The following MIB1 variants were observed in gnomAD, a reference collection of about 807,000 sequenced individuals.
MIB1 encodes MIB E3 ubiquitin protein ligase 1.
Under a neutral mutation model 124.5 loss-of-function variants are expected in MIB1, and 278 were observed. The ratio of observed to expected loss-of-function variants is 2.23; its 90% CI spans 2.02 to 2.47. The LOEUF is 2.47. MIB1 is among the 30% of genes most tolerant of loss of function. The pLI is 0.00. For missense variants in MIB1, 957 were observed against 1,254.4 expected, an observed-to-expected ratio of 0.76 and a Z score of 3.58; for synonymous variants, 446 against 429.4, an observed-to-expected ratio of 1.04 and a Z score of -0.48.
At chr18:21,832,322 T>C (rs938662758) in intron 12 of MIB1, among the ~76,000 whole-genome samples, 5 of 152,194 alleles carry the variant, frequency 3.3e-5, no homozygotes, top group Non-Finnish European at 7.4e-5. Flanking sequence ...CTGAAGTGAC[T>C]TTTAGGCATG....
chr18:21,717,806 A>T lies in MIB1; in HGVS notation n.167+12683A>T, dbSNP rs528162370. ...TTCTACACTGCTGGTGGGAATGTAA[A>T]CTAGTACAACCACTATGGAAAACAG... On this transcript the variant is annotated intron_variant and non_coding_transcript_variant, in intron 1 of 20. Coordinates refer to the MIB1 transcript ENST00000578646. Among the ~76,000 whole-genome samples, 5 of 152,346 alleles carry T rather than the reference A, an allele frequency of 3.3e-5. No homozygotes were observed. In the East Asian group the frequency reaches 9.6e-4, roughly 29 times the overall value.
At chr18:21,800,199 C>A (rs1327946963) in intron 9 of MIB1, among the ~76,000 whole-genome samples, 1 of 151,894 alleles carries the variant, frequency 6.6e-6, no homozygotes, top group Non-Finnish European at 1.5e-5. Flanking sequence ...GATTTACACA[C>A]TTACATTTTG....
chr18:21,719,242 G>A (rs967344004), intron 1 of MIB1, among the ~76,000 whole-genome samples: 17 of 151,876 alleles, frequency 1.1e-4, no homozygotes, highest in Non-Finnish European at 2.5e-4. Context: ...AGGCTGAGGT[G>A]GGAGGATTGC....
intron 1 of MIB1, among the ~76,000 whole-genome samples, chr18:21,725,576 T>C (rs1226632017): frequency 6.6e-6 from 1 of 152,226 alleles, no homozygotes; most frequent in Non-Finnish European, 1.5e-5. Context: ...AGGAGATAAG[T>C]TACCTTCCTC....
Position 21,772,557 on chromosome 18 carries a change from T to A in MIB1, c.532-1067T>A, listed in dbSNP as rs1162338619. Among the ~76,000 whole-genome samples, 4 of 152,192 alleles carry A rather than the reference T, an allele frequency of 2.6e-5. No individual in the cohort carries two copies. The South Asian group carries it at 8.3e-4, about 31-fold the overall frequency. ...TGGATTTGGGATGCTCTAAGTACAGTGCAAATATTTCAAAATCTGAAAAAA... is the reference window on the plus strand; with the variant it reads ...TGGATTTGGGATGCTCTAAGTACAGAGCAAATATTTCAAAATCTGAAAAAA... On this transcript the variant is annotated intron_variant, in intron 3 of 20. Transcript: ENST00000261537.
intron 13 of MIB1, among the ~76,000 whole-genome samples, chr18:21,839,428 A>G (rs2042062145): frequency 6.6e-6 from 1 of 152,184 alleles, no homozygotes; most frequent in Admixed American, 6.5e-5. Flanking sequence ...AAAGTCTTGA[A>G]ATCAGGTAGA....
At chr18:21,750,186 A>G (rs1185131998) in intron 1 of MIB1, among the ~76,000 whole-genome samples, 2 of 151,814 alleles carry the variant, frequency 1.3e-5, no homozygotes, top group African/African-American at 2.4e-5. Flanking sequence ...CTGGAGTGCA[A>G]TGGCATGATC....
intron 6 of MIB1, among the ~76,000 whole-genome samples, chr18:21,782,261 T>C (rs2146430477): frequency 6.6e-6 from 1 of 152,222 alleles, no homozygotes; most frequent in South Asian, 2.1e-4. Context: ...GTAGCTGGGA[T>C]TACAGTCATG....
chr18:21,710,390 G>T (rs1354941621), intron 1 of MIB1, among the ~76,000 whole-genome samples: 1 of 152,054 alleles, frequency 6.6e-6, no homozygotes, highest in African/African-American at 2.4e-5. Flanking sequence ...CACTGCACCT[G>T]GCCTTGAAAT....
At position 21,735,398 on chromosome 18, in the gene MIB1, C is replaced by T. The variant is rs185849214; in HGVS notation, n.167+30275C>T. ...CAGACCAGGAAATTCCCTCCGGTGCCTACGCCACCAGGGCCCTGGGTTTCA... is the reference window on the plus strand; with the variant it reads ...CAGACCAGGAAATTCCCTCCGGTGCTTACGCCACCAGGGCCCTGGGTTTCA... On this transcript the variant is annotated intron_variant and non_coding_transcript_variant, in intron 1 of 20. Coordinates refer to the MIB1 transcript ENST00000578646. Among the ~76,000 whole-genome samples the T allele has an allele frequency of 9.5e-4, 145 of 152,234 alleles. 1 individual carries two copies. The highest frequency in any genetic ancestry group is 5.2e-3 in the South Asian group (25 of 4,818).
chr18:21,746,543 T>A (rs1248164540), intron 1 of MIB1, among the ~76,000 whole-genome samples: 1 of 152,236 alleles, frequency 6.6e-6, no homozygotes. Context: ...TTGTAAAGTC[T>A]GTAGTCAAGT....
At chr18:21,813,101 A>G (rs1316782801) in intron 10 of MIB1, among the ~76,000 whole-genome samples, 5 of 151,926 alleles carry the variant, frequency 3.3e-5, no homozygotes, top group Admixed American at 6.6e-5. Flanking sequence ...ATTTTTATGT[A>G]AATTATTGAC....
chr18:21,755,067 A>ATT (rs112718729), intron 1 of MIB1, among the ~76,000 whole-genome samples: 1 of 149,230 alleles, frequency 6.7e-6, no homozygotes, highest in Admixed American at 6.7e-5. Context: ...TCTTTAAGTC[A>ATT]TTTTTTTTTC....
intron 12 of MIB1, chr18:21,828,937 G>A (rs1008614519): frequency 2.4e-5 from 11 of 450,716 alleles, no homozygotes; most frequent in Admixed American, 1.6e-4. Flanking sequence ...ACCATATGAC[G>A]GTCATTCACG....
At chr18:21,730,116 T>C (rs956032771) in intron 1 of MIB1, among the ~76,000 whole-genome samples, 19 of 152,372 alleles carry the variant, frequency 1.2e-4, no homozygotes, top group Admixed American at 2.6e-4. Context: ...ATCTATTTAT[T>C]GTAGTCTGAT....
chr18:21,799,720 A>T, intron 8 of MIB1, 121 bp from the exon 9 acceptor site: 1 of 1,000,296 alleles, frequency 1.0e-6, no homozygotes, highest in Non-Finnish European at 1.4e-6. Flanking sequence ...GTAGAAAAAT[A>T]ACATTAATGA....
At position 21,866,478 on chromosome 18, in the gene MIB1, AGACT is replaced by A. The variant is rs1208127753; in HGVS notation, c.*1813_*1816del. 2 of 152,248 alleles carry A rather than the reference AGACT, an allele frequency of 1.3e-5. No homozygotes were observed. The highest frequency in any genetic ancestry group is 1.3e-4 in the Admixed American group (2 of 15,288). 9.4% of individuals were successfully genotyped at this position (152,248 alleles called of 1,614,324 possible). A position where few individuals can be genotyped will look rare whatever the true frequency, so the allele number is the denominator to read the frequency against. ...ATGATGTTCACATAAAGAGACAGAC[AGACT>A]ATCATGTTGCAGACATGAAAACAGC... On this transcript the variant is annotated 3_prime_UTR_variant, in exon 21 of 21. Coordinates refer to ENST00000261537, the MANE Select transcript of MIB1 (RefSeq NM_020774.4).
chr18:21,805,909 T>TTTC (rs1222357751), intron 10 of MIB1, among the ~76,000 whole-genome samples: 1 of 146,208 alleles, frequency 6.8e-6, no homozygotes, highest in African/African-American at 2.5e-5. Context: ...CCTTTTTTTT[T>TTTC]TTTTTTTTTT....
At chr18:21,768,876 T>G in intron 3 of MIB1, 124 bp downstream of exon 3, 1 of 813,554 alleles carries the variant, frequency 1.2e-6, no homozygotes, top group Non-Finnish European at 1.7e-6. Context: ...TTTTAAAATC[T>G]TGATTTCTTT....
Sources: gnomAD v4.1 joint callset for allele counts (sites outside exome capture counted in the v4.1 genomes callset) on GRCh38, gnomAD v4.1.1 for gene constraint, MANE v1.5 for transcripts, NCBI Gene and HGNC (gene_info 2026-07-23, HGNC 2026-07-21) for gene names.